Variants in SMIM13 observed in about 807,000 individuals in gnomAD.
SMIM13 encodes the protein small integral membrane protein 13.
SMIM13 carries 3 observed loss-of-function variants against 5.9 expected under a neutral mutation model. The ratio of observed to expected loss-of-function variants is 0.51; its 90% CI spans 0.23 to 1.31. The LOEUF is 1.31. Among genes scored for constraint, SMIM13 ranks in the 40% most tolerant of loss-of-function variants. The pLI is 0.18. For missense variants in SMIM13, 85 were observed against 109.9 expected, an observed-to-expected ratio of 0.77 and a Z score of 1.01; for synonymous variants, 55 against 46.0, an observed-to-expected ratio of 1.19 and a Z score of -0.79.
At chr6:11,128,296 G>A (rs1204061104) in intron 1 of SMIM13, among the ~76,000 whole-genome samples, 1 of 152,172 alleles carries the variant, frequency 6.6e-6, no homozygotes. Context: ...CTGGCCCAGG[G>A]TGTATCTGGA....
chr6:11,099,019 A>G (rs1757959552), intron 1 of SMIM13, among the ~76,000 whole-genome samples: 2 of 151,942 alleles, frequency 1.3e-5, no homozygotes, highest in Admixed American at 1.3e-4. Context: ...ATTTTTTTCT[A>G]TTATGTTTCT....
Position 11,094,258 on chromosome 6 carries a change from G to T in SMIM13, c.-56G>T. 2 of 1,153,606 alleles carry T rather than the reference G, an allele frequency of 1.7e-6. No individual in the cohort carries two copies. Among genetic ancestry groups the T allele is most frequent in the South Asian group, 4.6e-5 (2 of 43,752 alleles). 71.5% of individuals were successfully genotyped at this position (1,153,606 alleles called of 1,614,324 possible). ...TGAAGCGCAGGACGCGCCGCCGCCC[G>T]CGCTCACCGCCGTCCGCGCCAGCCG... On this transcript the variant is annotated 5_prime_UTR_variant, in exon 1 of 2. Coordinates refer to ENST00000416247, the MANE Select transcript of SMIM13 (RefSeq NM_001135575.2).
intron 1 of SMIM13, among the ~76,000 whole-genome samples, chr6:11,128,673 G>A (rs916144010): frequency 2.4e-4 from 37 of 152,130 alleles, no homozygotes; most frequent in African/African-American, 8.7e-4. Context: ...TTTAGCCCAT[G>A]GTGGTAGGGC....
chr6:11,101,742 CT>C (rs70991083), intron 1 of SMIM13, among the ~76,000 whole-genome samples: 3,624 of 139,094 alleles, frequency 0.026, 78 homozygotes, highest in African/African-American at 0.072. Context: ...TTAAGCAATT[CT>C]TTTTTTTTTT....
chr6:11,136,267 GGTTTCC>G lies in SMIM13; in HGVS notation c.*1668_*1673del, dbSNP rs1325269259. 1 of 152,212 alleles carries G rather than the reference GGTTTCC, an allele frequency of 6.6e-6. No individual in the cohort carries two copies. The highest frequency in any genetic ancestry group is 6.5e-5 in the Admixed American group (1 of 15,276). 9.4% of individuals were successfully genotyped at this position (152,212 alleles called of 1,614,324 possible). ...TAGCTGTAAAATGACTCTCTTGCCA[GGTTTCC>G]GTGTTTGTCTCAACTGAACTCTGGG... is the stretch of plus-strand genomic sequence containing the variant. On this transcript the variant is annotated 3_prime_UTR_variant, in exon 2 of 2. Coordinates refer to ENST00000416247, the MANE Select transcript of SMIM13 (RefSeq NM_001135575.2).
chr6:11,120,195 A>G lies in SMIM13; in HGVS notation c.77-14208A>G, dbSNP rs78486166. Among the ~76,000 whole-genome samples, 1,261 of 152,340 alleles carry G rather than the reference A, an allele frequency of 8.3e-3. 4 individuals are homozygous for G. The highest frequency in any genetic ancestry group is 0.012 in the Non-Finnish European group (832 of 68,032). ...ACAATTTACAAAGATCAGAATTTGT[A>G]GTTATACTGCACCTGGGCTTTTGGA... On this transcript the variant is annotated intron_variant, in intron 1 of 1. Transcript: ENST00000416247.
chr6:11,115,004 T>C (rs555302938), intron 1 of SMIM13, among the ~76,000 whole-genome samples: 22 of 152,326 alleles, frequency 1.4e-4, no homozygotes, highest in African/African-American at 4.3e-4. Flanking sequence ...TGACATGTTA[T>C]CCATTTTCTA....
chr6:11,136,779 A>G lies in SMIM13; in HGVS notation c.*2177A>G, dbSNP rs993131565. 6.6e-6 allele frequency: 1 copy of G among 152,024 alleles called. No homozygotes were observed. The highest frequency in any genetic ancestry group is 1.5e-5 in the Non-Finnish European group (1 of 67,986). The allele number at this position is 152,024 out of a possible 1,614,324, so 9.4% of individuals were successfully genotyped here. ...GTGACAGTTTCAAGCGTTAATTTTAATGCTTCCTACTAGCTAAATATCATC... is the reference window on the plus strand; with the variant it reads ...GTGACAGTTTCAAGCGTTAATTTTAGTGCTTCCTACTAGCTAAATATCATC... On this transcript the variant is annotated 3_prime_UTR_variant, in exon 2 of 2. Coordinates refer to ENST00000416247, the MANE Select transcript of SMIM13 (RefSeq NM_001135575.2).
In SMIM13 at chr6:11,104,910, C is replaced by A. The variant is rs370411526; in HGVS notation, c.76+10521C>A. The A allele has an allele frequency of 1.1e-5, 18 of 1,614,114 alleles. No homozygotes were observed. Among genetic ancestry groups the A allele is most frequent in the Admixed American group, 1.7e-5 (1 of 60,020 alleles). Reference sequence around the variant, plus strand: ...ACTTGGAAGAGTGCCTACATTTGTTCCATTTTTCCTTTTGGCCATAACACA... The same window carrying A: ...ACTTGGAAGAGTGCCTACATTTGTTACATTTTTCCTTTTGGCCATAACACA... On this transcript the variant is annotated intron_variant, in intron 1 of 1. Transcript: ENST00000416247.
chr6:11,116,695 T>C (rs1438532169), intron 1 of SMIM13, among the ~76,000 whole-genome samples: 2 of 152,178 alleles, frequency 1.3e-5, no homozygotes, highest in African/African-American at 2.4e-5. Context: ...GGATCTGATA[T>C]TGATTATTTG....
chr6:11,109,077 G>A (rs1224576776), intron 1 of SMIM13, among the ~76,000 whole-genome samples: 5 of 152,158 alleles, frequency 3.3e-5, no homozygotes, highest in Non-Finnish European at 7.3e-5. Context: ...AACTATGGTG[G>A]CCCCCACAGG....
intron 1 of SMIM13, among the ~76,000 whole-genome samples, chr6:11,130,271 AACAAC>A (rs1561760713): frequency 5.9e-5 from 8 of 135,934 alleles, no homozygotes; most frequent in East Asian, 2.0e-4. Context: ...AAAAAAAAAC[AACAAC>A]AACAACAACA....
intron 1 of SMIM13, among the ~76,000 whole-genome samples, chr6:11,111,192 G>A (rs145432447): frequency 1.1e-3 from 166 of 152,314 alleles, no homozygotes; most frequent in Non-Finnish European, 1.6e-3. Flanking sequence ...AACAAATAGG[G>A]AATGTGTGTT....
chr6:11,096,716 T>G (rs941305705), intron 1 of SMIM13, among the ~76,000 whole-genome samples: 1 of 121,586 alleles, frequency 8.2e-6, no homozygotes, highest in African/African-American at 3.4e-5. Context: ...TTTCTTTTTT[T>G]GAGTTGGAGT....
rs1180281384 is a variant in SMIM13 at position 11,137,847 on chromosome 6, TGAAAC to T, written c.*3246_*3250del. 1.3e-5 allele frequency: 2 copies of T among 152,160 alleles called. No individual in the cohort carries two copies. The highest frequency in any genetic ancestry group is 6.5e-5 in the Admixed American group (1 of 15,272). The allele number at this position is 152,160 out of a possible 1,614,324, so 9.4% of individuals were successfully genotyped here. A position where few individuals can be genotyped will look rare whatever the true frequency, so the allele number is the denominator to read the frequency against. On this transcript the variant is annotated 3_prime_UTR_variant, in exon 2 of 2. Coordinates refer to ENST00000416247, the MANE Select transcript of SMIM13 (RefSeq NM_001135575.2). ...GATTTTGTAGTGATGTTTTCACAGT[TGAAAC>T]AAACATATTGCTGTGCGGTGGACAG...
intron 1 of SMIM13, among the ~76,000 whole-genome samples, chr6:11,118,363 A>C (rs779170903): frequency 2.0e-5 from 3 of 152,238 alleles, no homozygotes; most frequent in Non-Finnish European, 2.9e-5. Flanking sequence ...CAGAGCAGAC[A>C]TTGAGCTCTG....
At position 11,104,123 on chromosome 6, in the gene SMIM13, A is replaced by G. The variant is rs896728398; in HGVS notation, c.76+9734A>G. On this transcript the variant is annotated intron_variant, in intron 1 of 1. Coordinates refer to ENST00000416247, the MANE Select transcript of SMIM13 (RefSeq NM_001135575.2). ...GTTCTTGCATGGTCGTTAAGGCTTT[A>G]GCCATGGTGTCAATGTTGTTGGCTA... is the stretch of plus-strand genomic sequence containing the variant. The G allele has an allele frequency of 2.6e-6, 4 of 1,550,284 alleles. No individual in the cohort carries two copies. The African/African-American group carries it at 4.1e-5, about 16-fold the overall frequency.
chr6:11,122,062 A>C (rs887247544), intron 1 of SMIM13, among the ~76,000 whole-genome samples: 3 of 152,182 alleles, frequency 2.0e-5, no homozygotes, highest in East Asian at 1.9e-4. Flanking sequence ...TTCCTTGGCC[A>C]GTCTCCACAA....
intron 1 of SMIM13, among the ~76,000 whole-genome samples, chr6:11,118,533 C>T (rs1045521206): frequency 6.6e-6 from 1 of 152,160 alleles, no homozygotes. Context: ...CCATACGTTT[C>T]GTTTCCTTAA....
Sources: allele counts gnomAD v4.1 joint callset (sites outside exome capture counted in the v4.1 genomes callset), GRCh38; gene constraint gnomAD v4.1.1; transcripts MANE v1.5; gene names NCBI Gene and HGNC (gene_info 2026-07-23, HGNC 2026-07-21).